The following ARPP21 variants were observed in gnomAD, a reference collection of about 807,000 sequenced individuals.
ARPP21 encodes cAMP-regulated phosphoprotein 21.
Under a neutral mutation model 113.2 loss-of-function variants are expected in ARPP21, and 69 were observed. The observed-to-expected ratio is 0.61, with a 90% confidence interval of 0.50 to 0.74. ARPP21 has a LOEUF of 0.74. ARPP21 is among the 30% of genes least tolerant of loss of function. The pLI, the probability that ARPP21 is intolerant of heterozygous loss-of-function variation, is 0.00. For missense variants in ARPP21, 1,070 were observed against 1,037.4 expected (o/e 1.03, Z -0.43); for synonymous variants, 368 against 375.5 (o/e 0.98, Z 0.23).
Position 35,687,787 on chromosome 3 carries a change from G to A in ARPP21, c.310G>A (p.Asp104Asn), listed in dbSNP as rs199716707. Residue 104 changes from aspartate to asparagine, a missense_variant, in exon 6 of 21, where the codon GAT (aspartate) becomes AAT (asparagine). Physicochemically the swap from Asp to Asn is conservative, Grantham distance 23 (BLOSUM62 1). Transcript: ENST00000684406. ...LSSFSSLQEEDKSRKDDSERE... is the reference protein window; with the variant it reads ...LSSFSSLQEENKSRKDDSERE... ...CAGTTTTTCCAGCCTGCAAGAGGAG[G>A]ATAAATCTAGGAAAGATGACTCTGA... 3 of 1,605,822 alleles carry A rather than the reference G, an allele frequency of 1.9e-6. No individual in the cohort carries two copies. The highest frequency in any genetic ancestry group is 2.6e-6 in the Non-Finnish European group (3 of 1,176,146).
At chr3:35,758,990 A>G (rs2095666702) in intron 19 of ARPP21, among the ~76,000 whole-genome samples, 1 of 152,032 alleles carries the variant, frequency 6.6e-6, no homozygotes, top group Admixed American at 6.6e-5. Context: ...TGAAATTTGC[A>G]TGTAAGATAT....
At chr3:35,744,052 G>A (rs1342295944) in intron 19 of ARPP21, 87 bp downstream of exon 19, 2 of 1,442,410 alleles carry the variant, frequency 1.4e-6, no homozygotes, top group Non-Finnish European at 1.9e-6. Context: ...GTCCAAGCTT[G>A]GCAATTTAAA....
rs544275124 is a variant in ARPP21, at chr3:35,715,965, G to A, written c.935+489G>A. Among the ~76,000 whole-genome samples the A allele has an allele frequency of 1.1e-4, 17 of 152,056 alleles. No individual in the cohort carries two copies. The South Asian group carries it at 3.1e-3, about 28-fold the overall frequency. On this transcript the variant is annotated intron_variant, in intron 12 of 20. Transcript: ENST00000684406. ...AAACAATCTATTTTTCTTCATAAAA[G>A]ACTTGACCTTGAAAATCTTATCTAA... is the stretch of plus-strand genomic sequence containing the variant.
At chr3:35,681,211 T>C (rs1440043736) in intron 2 of ARPP21, 1 of 151,984 alleles carries the variant, frequency 6.6e-6, no homozygotes, top group Non-Finnish European at 1.5e-5. Context: ...TGCTGAATTA[T>C]TACCTTTTCA....
At chr3:35,647,199 C>T (rs71327196) in intron 1 of ARPP21, among the ~76,000 whole-genome samples, 4 of 152,030 alleles carry the variant, frequency 2.6e-5, no homozygotes, top group Admixed American at 6.6e-5. Context: ...TTGTCATCAT[C>T]GAGAGGTAGG....
intron 13 of ARPP21, 74 bp downstream of exon 13, chr3:35,717,431 A>G: frequency 1.1e-6 from 1 of 911,524 alleles, no homozygotes. Flanking sequence ...ATATTAGTGT[A>G]CTCGTGTAAA....
In ARPP21 at chr3:35,691,448, G is replaced by A. The variant is rs1055756794; in HGVS notation, c.686+443G>A. ...AGTTTCTGGAGTAATAAAAAGCTCC[G>A]AACCTAGAGGCAGAAATCCTGCCTC... On this transcript the variant is annotated intron_variant, in intron 9 of 20. Coordinates refer to ENST00000684406, the MANE Select transcript of ARPP21 (RefSeq NM_001385562.1). Among the ~76,000 whole-genome samples the A allele has an allele frequency of 7.3e-5, 11 of 151,480 alleles. No homozygotes were observed. The East Asian group carries it at 7.8e-4, about 11-fold the overall frequency.
intron 9 of ARPP21, among the ~76,000 whole-genome samples, chr3:35,692,487 T>A (rs1288821726): frequency 3.3e-5 from 5 of 151,674 alleles, no homozygotes; most frequent in African/African-American, 1.2e-4. Context: ...CTTTTAATTT[T>A]TTTCTTCTTC....
At chr3:35,753,615 GATATGATTATCTGTGGAAC>G (rs1209150120) in intron 19 of ARPP21, among the ~76,000 whole-genome samples, 1 of 152,024 alleles carries the variant, frequency 6.6e-6, no homozygotes, top group Non-Finnish European at 1.5e-5. Context: ...CTGGCAGGAA[GATATGATTATCTGTGGAAC>G]ATGTATATTT....
At chr3:35,643,719 A>G (rs1699060225) in intron 1 of ARPP21, 1 of 152,044 alleles carries the variant, frequency 6.6e-6, no homozygotes, top group Non-Finnish European at 1.5e-5. Flanking sequence ...CAAATTAATC[A>G]TTTGTATATA....
intron 19 of ARPP21, among the ~76,000 whole-genome samples, chr3:35,748,401 G>T (rs919499149): frequency 4.9e-5 from 7 of 142,634 alleles, no homozygotes; most frequent in Non-Finnish European, 7.6e-5. Flanking sequence ...AAAAGAAAGG[G>T]AGAAAGGAGA....
At chr3:35,642,243 A>C (rs1302896522) in intron 1 of ARPP21, 1 of 152,126 alleles carries the variant, frequency 6.6e-6, no homozygotes, top group Admixed American at 6.5e-5. Context: ...TACCTTGAGA[A>C]CTGTGGTATT....
intron 1 of ARPP21, among the ~76,000 whole-genome samples, chr3:35,660,268 T>A (rs1235885088): frequency 6.6e-6 from 1 of 152,124 alleles, no homozygotes; most frequent in Non-Finnish European, 1.5e-5. Flanking sequence ...CTATTCCCAA[T>A]TCTGAATAAA....
At chr3:35,686,960 C>A (rs1485810754) in intron 5 of ARPP21, among the ~76,000 whole-genome samples, 1 of 151,112 alleles carries the variant, frequency 6.6e-6, no homozygotes, top group Non-Finnish European at 1.5e-5. Flanking sequence ...TGTAAATGGC[C>A]AATCTTAAAT....
At chr3:35,746,307 C>G (rs2095044601) in intron 19 of ARPP21, among the ~76,000 whole-genome samples, 1 of 152,156 alleles carries the variant, frequency 6.6e-6, no homozygotes, top group South Asian at 2.1e-4. Context: ...TTTGAGAGTG[C>G]ACAGAGGCTC....
chr3:35,705,698 A>G (rs1466469140), intron 9 of ARPP21, among the ~76,000 whole-genome samples: 1 of 152,160 alleles, frequency 6.6e-6, no homozygotes, highest in Non-Finnish European at 1.5e-5. Flanking sequence ...TCTCTTTAAA[A>G]GAGGCAAAAA....
chr3:35,705,403 G>A (rs945784071), intron 9 of ARPP21, among the ~76,000 whole-genome samples: 1 of 152,192 alleles, frequency 6.6e-6, no homozygotes, highest in South Asian at 2.1e-4. Context: ...GTAAAGTACA[G>A]GTTTACTTCT....
At chr3:35,688,849 G>A (rs552373705) in intron 6 of ARPP21, among the ~76,000 whole-genome samples, 6 of 151,078 alleles carry the variant, frequency 4.0e-5, no homozygotes, top group South Asian at 2.1e-4. Context: ...ATTTTGTACC[G>A]ATTAATAGAT....
At chr3:35,697,334 G>A (rs1271034620) in intron 9 of ARPP21, among the ~76,000 whole-genome samples, 2 of 151,580 alleles carry the variant, frequency 1.3e-5, no homozygotes, top group Non-Finnish European at 3.0e-5. Flanking sequence ...TTGGTTTGAG[G>A]CTATACCTTA....
Sources: gnomAD v4.1 joint callset for allele counts (sites outside exome capture counted in the v4.1 genomes callset) on GRCh38, gnomAD v4.1.1 for gene constraint, MANE v1.5 for transcripts, NCBI Gene and HGNC (gene_info 2026-07-23, HGNC 2026-07-21) for gene names.